SERPINB6: variants seen among roughly 807,000 people sequenced by gnomAD.
SERPINB6 encodes serpin family B member 6.
Under a neutral mutation model 26.1 loss-of-function variants are expected in SERPINB6, and 16 were observed. The ratio of observed to expected loss-of-function variants is 0.61; its 90% CI spans 0.42 to 0.93. The LOEUF (loss-of-function observed/expected upper bound fraction) is 0.93, where lower values mean the gene tolerates loss of function less well. Ranked by LOEUF, SERPINB6 falls within the 40% of genes least tolerant of loss-of-function variation. The probability of loss-of-function intolerance (pLI) is 0.00; values close to 1 mark genes in which losing one functional copy is unlikely to be tolerated. For synonymous variants in SERPINB6, 174 were observed against 176.6 expected (o/e 0.99, Z 0.11); for missense variants, 420 against 478.0 (o/e 0.88, Z 1.13).
At chr6:2,968,760 T>C (rs1309526016) in intron 1 of SERPINB6, 3 of 1,231,612 alleles carry the variant, frequency 2.4e-6, no homozygotes, top group Non-Finnish European at 3.0e-6. Flanking sequence ...ACACAAACAA[T>C]GCTGGAAGTT....
intron 1 of SERPINB6, chr6:2,961,799 T>C (rs1771142435): frequency 2.0e-6 from 2 of 982,902 alleles, no homozygotes; most frequent in Non-Finnish European, 2.4e-6. Flanking sequence ...CCATGTCAGC[T>C]GGCCAGGGGA....
chr6:2,948,468 C>T lies in SERPINB6; in HGVS notation c.961G>A (p.Val321Met). 2 of 1,614,230 alleles carry T rather than the reference C, an allele frequency of 1.2e-6. No homozygotes were observed. Among genetic ancestry groups the T allele is most frequent in the Non-Finnish European group, 1.7e-6 (2 of 1,180,022 alleles). ...TCCGTGCCTTCCTCATTGACCTCCA[C>T]AAAAGACTTGTGCACGACCTTGGAC... ...SLSKVVHKSFVEVNEEGTEAA... is the reference protein window; with the variant it reads ...SLSKVVHKSFMEVNEEGTEAA... Residue 321 changes from valine to methionine, a missense_variant, in exon 7 of 7, where the codon GTG becomes ATG. Physicochemically the swap from Val to Met is conservative, Grantham distance 21 (BLOSUM62 1). Coordinates refer to ENST00000380539, the MANE Select transcript of SERPINB6 (RefSeq NM_004568.6). The surrounding 1 kb of genome is among the most constrained non-coding windows in gnomAD (Gnocchi z 5.0).
chr6:2,959,647 G>A, intron 1 of SERPINB6: 1 of 427,930 alleles, frequency 2.3e-6, no homozygotes, highest in Non-Finnish European at 4.3e-6. Flanking sequence ...CTTCCTTGGG[G>A]TGGAATTACA....
At chr6:2,962,033 T>G (rs11552234) in intron 1 of SERPINB6, 288,711 of 984,976 alleles carry the variant, frequency 0.29, 43,372 homozygotes, top group South Asian at 0.31. Context: ...TAAAGGACTT[T>G]TAATTCAAAT....
rs1769994334 is a variant in SERPINB6 at position 2,953,052 on chromosome 6, C to G, written c.565G>C (p.Val189Leu). ...CACGGCCCCTTACTCGCCTTGCTGA[C>G]TTTAAACAGTCTCTCCTCGGTGTTC... is the stretch of plus-strand genomic sequence containing the variant. ...KENTEERLFK[V>L]SKNEEKPVQM... Residue 189 changes from valine (V) to leucine (L), a missense_variant, in exon 5 of 7, where the codon GTC (valine) becomes CTC (leucine). Val to Leu is a conservative substitution (Grantham distance 32, BLOSUM62 1). Coordinates refer to ENST00000380539, the MANE Select transcript of SERPINB6 (RefSeq NM_004568.6). The G allele has an allele frequency of 6.2e-7, 1 of 1,614,122 alleles. No individual in the cohort carries two copies. The highest frequency in any genetic ancestry group is 1.3e-5 in the African/African-American group (1 of 74,950).
chr6:2,960,513 A>G (rs907698423), intron 1 of SERPINB6: 1 of 152,226 alleles, frequency 6.6e-6, no homozygotes, highest in Non-Finnish European at 1.5e-5. Flanking sequence ...TACCAAATGA[A>G]TATGTCCCAG....
chr6:2,968,655 G>A, intron 1 of SERPINB6: 1 of 1,225,668 alleles, frequency 8.2e-7, no homozygotes, highest in Non-Finnish European at 1.0e-6. Flanking sequence ...ATGGTGGCTG[G>A]TGTTTGCTTT....
At chr6:2,965,404 G>C (rs1184693044) in intron 1 of SERPINB6, among the ~76,000 whole-genome samples, 1 of 150,354 alleles carries the variant, frequency 6.7e-6, no homozygotes, top group Non-Finnish European at 1.5e-5. Flanking sequence ...CCAATTTATA[G>C]TTTGGCAGGC....
At chr6:2,962,149 G>A in intron 1 of SERPINB6, 1 of 985,440 alleles carries the variant, frequency 1.0e-6, no homozygotes, top group Non-Finnish European at 1.2e-6. Flanking sequence ...CTTCAACAAA[G>A]CAAAGCCACC....
chr6:2,955,751 A>C lies in SERPINB6; in HGVS notation c.166-81T>G, dbSNP rs1027874754. Reference sequence around the variant, plus strand: ...AATGGGGCAACCCCAAACTCAGCCTAACAACCATCCAGACCCTTATTACTG... The same window carrying C: ...AATGGGGCAACCCCAAACTCAGCCTCACAACCATCCAGACCCTTATTACTG... On this transcript the variant is annotated intron_variant, in intron 2 of 6. Coordinates refer to ENST00000380539, the MANE Select transcript of SERPINB6 (RefSeq NM_004568.6). 3.3e-5 allele frequency: 50 copies of C among 1,501,280 alleles called. No individual in the cohort carries two copies. The African/African-American group carries it at 6.4e-4, about 19-fold the overall frequency. The allele number at this position is 1,501,280 out of a possible 1,614,324, so 93.0% of individuals were successfully genotyped here. A position where few individuals can be genotyped will look rare whatever the true frequency, so the allele number is the denominator to read the frequency against.
intron 1 of SERPINB6, chr6:2,961,895 CT>C (rs1167523119): frequency 3.2e-4 from 267 of 843,808 alleles, no homozygotes; most frequent in Middle Eastern, 6.0e-4. Context: ...GACTCTTACG[CT>C]TTTTTTTTTG....
At chr6:2,968,473 AAAG>A (rs1561692036) in intron 1 of SERPINB6, 1 of 1,049,706 alleles carries the variant, frequency 9.5e-7, no homozygotes, top group Non-Finnish European at 1.1e-6. Context: ...TTAAAAAAAA[AAAG>A]AAGAAATCAT....
intron 1 of SERPINB6, chr6:2,966,905 T>C (rs1771695112): frequency 6.1e-6 from 6 of 978,336 alleles, no homozygotes; most frequent in Non-Finnish European, 7.3e-6. Flanking sequence ...TCTTTCCACG[T>C]TGGCTTCCCA....
chr6:2,970,977 A>C (rs1772098171), intron 1 of SERPINB6: 2 of 1,176,528 alleles, frequency 1.7e-6, no homozygotes, highest in Non-Finnish European at 2.1e-6. Flanking sequence ...CCCGGATGGC[A>C]CCGTTTGGCG....
At chr6:2,951,287 A>C (rs1769761311) in intron 5 of SERPINB6, among the ~76,000 whole-genome samples, 1 of 151,792 alleles carries the variant, frequency 6.6e-6, no homozygotes. Flanking sequence ...TCAAGAGGCC[A>C]CGGCAGGAGA....
rs1029496062 is a variant in SERPINB6, at chr6:2,969,746, T to G, written c.-11+1787A>C. On this transcript the variant is annotated intron_variant, in intron 1 of 6. Transcript: ENST00000380539. ...AAACTTGGACTTCCTGCTTTGTCCCTCTGTTTCCTTGTGCAGTGTGTATGT... is the reference window on the plus strand; with the variant it reads ...AAACTTGGACTTCCTGCTTTGTCCCGCTGTTTCCTTGTGCAGTGTGTATGT... 6.1e-6 allele frequency: 6 copies of G among 975,754 alleles called. No homozygotes were observed. In the African/African-American group the frequency reaches 1.1e-4, roughly 18 times the overall value. 60.4% of individuals were successfully genotyped at this position (975,754 alleles called of 1,614,324 possible).
At chr6:2,965,619 C>A (rs1369957531) in intron 1 of SERPINB6, among the ~76,000 whole-genome samples, 1 of 152,118 alleles carries the variant, frequency 6.6e-6, no homozygotes, top group African/African-American at 2.4e-5. Context: ...AGTAAGCTAG[C>A]CTCTCCTAAG....
At chr6:2,970,382 C>T in intron 1 of SERPINB6, 11 of 1,009,672 alleles carry the variant, frequency 1.1e-5, no homozygotes, top group African/African-American at 3.4e-5. Flanking sequence ...GATGCAATTA[C>T]TCAGATACGG....
At chr6:2,970,057 CAA>C (rs754952384) in intron 1 of SERPINB6, 11,965 of 760,156 alleles carry the variant, frequency 0.016, no homozygotes, top group Middle Eastern at 0.018. Context: ...TCCAGCCTGG[CAA>C]AAAAAAAAAA....
Sources: gnomAD v4.1 joint callset for allele counts (sites outside exome capture counted in the v4.1 genomes callset) on GRCh38, gnomAD v4.1.1 for gene constraint, Gnocchi (gnomAD v3.1) non-coding constraint, MANE v1.5 for transcripts, NCBI Gene and HGNC (gene_info 2026-07-23, HGNC 2026-07-21) for gene names.